The following ERMP1 variants were observed in gnomAD, a reference collection of about 807,000 sequenced individuals.
ERMP1 encodes the protein endoplasmic reticulum metallopeptidase 1.
A neutral mutation model predicts 92.0 loss-of-function variants in ERMP1; 86 were observed. That is an observed-to-expected ratio of 0.93 (90% CI 0.79 to 1.12). The LOEUF (loss-of-function observed/expected upper bound fraction) is 1.12, where lower values mean the gene tolerates loss of function less well. Among genes scored for constraint, ERMP1 ranks in the 50% most tolerant of loss-of-function variants. The pLI is 0.00. For synonymous variants in ERMP1, 530 were observed against 412.8 expected (o/e 1.28, Z -3.44); for missense variants, 1,342 against 1,116.3 (o/e 1.20, Z -2.88).
chr9:5,840,328 C>T (rs1830146620), intron 6 of ERMP1, among the ~76,000 whole-genome samples: 1 of 152,108 alleles, frequency 6.6e-6, no homozygotes, highest in African/African-American at 2.4e-5. Flanking sequence ...TCTACTGCAT[C>T]CAACTCTAGA....
chr9:5,866,493 A>C lies in ERMP1; in HGVS notation n.3055+1309T>G, dbSNP rs528078436. Among the ~76,000 whole-genome samples the C allele has an allele frequency of 2.8e-4, 43 of 152,296 alleles. No individual in the cohort carries two copies. The South Asian group carries it at 5.6e-3, about 20-fold the overall frequency. ...ATATGCAGACTATGACAAACAGCCC[A>C]GAATTGGTAGCTCACTTGATGCTTT... On this transcript the variant is annotated intron_variant and non_coding_transcript_variant, in intron 5 of 6. Transcript: ENST00000690753.
intron 5 of ERMP1, chr9:5,812,619 G>T (rs1005810622): frequency 2.0e-6 from 1 of 488,050 alleles, no homozygotes; most frequent in African/African-American, 1.9e-5. Flanking sequence ...GACCCCTGAA[G>T]GATCTATTAC....
intron 1 of ERMP1, among the ~76,000 whole-genome samples, chr9:5,831,478 TC>T (rs1287347383): frequency 6.6e-6 from 1 of 151,996 alleles, no homozygotes; most frequent in African/African-American, 2.4e-5. Flanking sequence ...TAGACTACTA[TC>T]CGCCTGTAGT....
intron 6 of ERMP1, among the ~76,000 whole-genome samples, chr9:5,851,654 T>C (rs1037520273): frequency 3.3e-5 from 5 of 152,190 alleles, no homozygotes; most frequent in African/African-American, 9.7e-5. Flanking sequence ...CTTTTGTTCT[T>C]ACTCAGAATC....
chr9:5,852,303 A>G (rs1024715946), intron 6 of ERMP1, among the ~76,000 whole-genome samples: 23 of 150,136 alleles, frequency 1.5e-4, no homozygotes, highest in African/African-American at 5.7e-4. Flanking sequence ...TCATTCTGTC[A>G]TGTAGCTGGA....
chr9:5,830,133 G>A (rs1264798277), intron 2 of ERMP1, among the ~76,000 whole-genome samples: 1 of 152,128 alleles, frequency 6.6e-6, no homozygotes, highest in Non-Finnish European at 1.5e-5. Context: ...CCAACCCGCA[G>A]CCCAGGACAG....
rs538121945 is a variant in ERMP1 at position 5,839,914 on chromosome 9, C to G, written n.3200-6602G>C. On this transcript the variant is annotated intron_variant and non_coding_transcript_variant, in intron 6 of 6. Coordinates refer to the ERMP1 transcript ENST00000690753. ...GCTAAAAAAATCATCCTCCTGTGTC[C>G]TACCCACCTACTTGGTACATTAGCA... Among the ~76,000 whole-genome samples the G allele has an allele frequency of 3.9e-5, 6 of 152,288 alleles. No homozygotes were observed. In the South Asian group the frequency reaches 6.2e-4, roughly 16 times the overall value.
chr9:5,856,675 C>G (rs1451123240), intron 6 of ERMP1, among the ~76,000 whole-genome samples: 1 of 152,198 alleles, frequency 6.6e-6, no homozygotes, highest in Non-Finnish European at 1.5e-5. Context: ...TTAGCAAATA[C>G]TGAACCATTG....
intron 11 of ERMP1, among the ~76,000 whole-genome samples, chr9:5,799,304 G>C (rs1262315076): frequency 1.3e-5 from 2 of 152,076 alleles, no homozygotes; most frequent in African/African-American, 2.4e-5. Context: ...TTTTAGATAA[G>C]GATTTAAAAC....
chr9:5,848,585 G>A lies in ERMP1; in HGVS notation n.3199+10883C>T, dbSNP rs940668468. On this transcript the variant is annotated intron_variant and non_coding_transcript_variant, in intron 6 of 6. Transcript: ENST00000690753. Reference sequence around the variant, plus strand: ...TGGTTTTGTCAATAATTCATTTACAGGTCATGGCTAGCCATTTCTGGTTTT... The same window carrying A: ...TGGTTTTGTCAATAATTCATTTACAAGTCATGGCTAGCCATTTCTGGTTTT... Among the ~76,000 whole-genome samples, 4 of 151,554 alleles carry A rather than the reference G, an allele frequency of 2.6e-5. No individual in the cohort carries two copies. In the Admixed American group the frequency reaches 2.6e-4, roughly 10 times the overall value.
intron 13 of ERMP1, chr9:5,791,374 A>G: frequency 2.2e-6 from 1 of 453,002 alleles, no homozygotes; most frequent in East Asian, 7.0e-5. Flanking sequence ...CTTTTTCTCA[A>G]GGCCTTCACT....
At chr9:5,855,056 A>C (rs1046808411) in intron 6 of ERMP1, among the ~76,000 whole-genome samples, 10 of 152,250 alleles carry the variant, frequency 6.6e-5, no homozygotes. Context: ...GAAGAGATTC[A>C]AAGCAATCTT....
chr9:5,810,685 C>A (rs1019923629), intron 7 of ERMP1, among the ~76,000 whole-genome samples: 1 of 151,932 alleles, frequency 6.6e-6, no homozygotes, highest in Non-Finnish European at 1.5e-5. Context: ...AATATTTTAT[C>A]TCGTAACAGC....
rs140646928 is a variant in ERMP1 at position 5,788,348 on chromosome 9, C to T, written c.2387-755G>A. 9.2e-3 allele frequency among the ~76,000 whole-genome samples: 1,401 copies of T among 152,216 alleles called. 14 individuals are homozygous for T. Among genetic ancestry groups the T allele is most frequent in the Non-Finnish European group, 0.012 (850 of 68,014 alleles). On this transcript the variant is annotated intron_variant, in intron 13 of 14. Transcript: ENST00000339450. ...TAGTGTCCAGTCAAAGAAAGGTTTA[C>T]AGGGCAGGGACTTAAAAGTATATTA...
rs973862486 is a variant in ERMP1, at chr9:5,831,323, T to C, written c.339-295A>G. 2.0e-5 allele frequency among the ~76,000 whole-genome samples: 3 copies of C among 152,310 alleles called. No homozygotes were observed. The East Asian group carries it at 5.8e-4, about 29-fold the overall frequency. On this transcript the variant is annotated intron_variant, in intron 1 of 14. Coordinates refer to ENST00000339450, the MANE Select transcript of ERMP1 (RefSeq NM_024896.3). ...GGATGTATTCAAAACGTGTGACCACTGGCCAGGCACGGTGGCTCACGCCTG... is the reference window on the plus strand; with the variant it reads ...GGATGTATTCAAAACGTGTGACCACCGGCCAGGCACGGTGGCTCACGCCTG...
chr9:5,801,141 T>G (rs1828656172), intron 11 of ERMP1, 35 bp downstream of exon 11: 1 of 1,583,544 alleles, frequency 6.3e-7, no homozygotes, highest in African/African-American at 1.4e-5. Flanking sequence ...GGGCTTCCTT[T>G]CCAGATCTCA....
chr9:5,847,645 C>T (rs1002465980), intron 6 of ERMP1, among the ~76,000 whole-genome samples: 4 of 152,036 alleles, frequency 2.6e-5, no homozygotes, highest in Admixed American at 6.5e-5. Flanking sequence ...CCTGTAATCC[C>T]GGCACTTTGG....
intron 6 of ERMP1, among the ~76,000 whole-genome samples, chr9:5,850,093 G>A (rs1830288945): frequency 1.3e-5 from 2 of 152,120 alleles, no homozygotes; most frequent in African/African-American, 4.8e-5. Context: ...TGTTATCAGA[G>A]CAGGCCAGGG....
intron 2 of ERMP1, among the ~76,000 whole-genome samples, chr9:5,826,877 C>T (rs1208282279): frequency 6.6e-6 from 1 of 152,116 alleles, no homozygotes; most frequent in Non-Finnish European, 1.5e-5. Flanking sequence ...TTAAACTGTC[C>T]ATTCAGCTTC....
Sources: gnomAD v4.1 joint callset for allele counts (sites outside exome capture counted in the v4.1 genomes callset) on GRCh38, gnomAD v4.1.1 for gene constraint, MANE v1.5 for transcripts, NCBI Gene and HGNC (gene_info 2026-07-23, HGNC 2026-07-21) for gene names.